Variants in LMAN1 observed in about 807,000 individuals in gnomAD.
LMAN1 encodes the protein lectin, mannose binding 1.
In LMAN1, 32 loss-of-function variants were observed where a neutral mutation model predicts 67.8. The ratio of observed to expected loss-of-function variants is 0.47; its 90% CI spans 0.36 to 0.63. LMAN1 has a LOEUF of 0.63. Among genes scored for constraint, LMAN1 ranks in the 30% least tolerant of loss-of-function variants. LMAN1 has a pLI of 0.00. For synonymous variants in LMAN1, 235 were observed against 219.3 expected, an observed-to-expected ratio of 1.07 and a Z score of -0.63; for missense variants, 632 against 628.2, an observed-to-expected ratio of 1.01 and a Z score of -0.06.
intron 5 of LMAN1, among the ~76,000 whole-genome samples, chr18:59,349,672 T>C (rs1217831643): frequency 2.0e-5 from 3 of 152,226 alleles, no homozygotes; most frequent in African/African-American, 7.2e-5. Flanking sequence ...TGAGCTCCTC[T>C]TAATTAAATT....
Position 59,355,631 on chromosome 18 carries a change from C to T in LMAN1, c.242G>A (p.Arg81Gln), listed in dbSNP as rs960074864. ...TTGGCTTTTTAAAGATGGTGCTACT[C>T]GAATTTGATCTGAACTTGGAATAGC... ...GNAIPSSDQI[R>Q]VAPSLKSQRG... The change falls in exon 2 of 13, where the codon CGA (arginine) becomes CAA (glutamine). Residue 81 changes from arginine to glutamine, a missense_variant. By Grantham distance (43) the Arg-to-Gln change is conservative. Coordinates refer to ENST00000251047, the MANE Select transcript of LMAN1 (RefSeq NM_005570.4). 3 of 1,613,770 alleles carry T rather than the reference C, an allele frequency of 1.9e-6. No homozygotes were observed. The highest frequency in any genetic ancestry group is 1.3e-5 in the African/African-American group (1 of 74,888).
intron 10 of LMAN1, among the ~76,000 whole-genome samples, chr18:59,335,581 G>A (rs1405962174): frequency 1.3e-5 from 2 of 152,176 alleles, no homozygotes; most frequent in South Asian, 4.1e-4. Flanking sequence ...ATGGGAAAGT[G>A]GTAGCAAGGA....
At chr18:59,333,265 A>G (rs1475496768) in intron 10 of LMAN1, 21 bp from the exon 11 acceptor site, 1 of 1,607,844 alleles carries the variant, frequency 6.2e-7, no homozygotes, top group Non-Finnish European at 8.5e-7. Context: ...AAGTCTCTTG[A>G]TACAATAAAA....
At position 59,337,963 on chromosome 18, in the gene LMAN1, CAG is replaced by C. The variant is rs1158488276; in HGVS notation, c.1220+592_1220+593del. ...ACACTATGGTTTGTTATCTCTGCTC[CAG>C]GCATTGAAAGCTATTAATTATCTGC... is the stretch of plus-strand genomic sequence containing the variant. On this transcript the variant is annotated intron_variant, in intron 10 of 12. Coordinates refer to ENST00000251047, the MANE Select transcript of LMAN1 (RefSeq NM_005570.4). 5.9e-5 allele frequency among the ~76,000 whole-genome samples: 9 copies of C among 152,304 alleles called. No homozygotes were observed. In the South Asian group the frequency reaches 1.0e-3, roughly 18 times the overall value.
Position 59,330,865 on chromosome 18 carries a change from A to G in LMAN1, c.*228T>C, listed in dbSNP as rs2070743152. 4 of 550,446 alleles carry G rather than the reference A, an allele frequency of 7.3e-6. No homozygotes were observed. The highest frequency in any genetic ancestry group is 4.7e-5 in the South Asian group (2 of 42,316). The allele number at this position is 550,446 out of a possible 1,614,324, so 34.1% of individuals were successfully genotyped here. A position where few individuals can be genotyped will look rare whatever the true frequency, so the allele number is the denominator to read the frequency against. On this transcript the variant is annotated 3_prime_UTR_variant, in exon 13 of 13. Transcript: ENST00000251047. ...CAATATTCTGCTCAGAGGCTGCATC[A>G]TACTGACCAGAAATTCACTGAAATT...
intron 3 of LMAN1, 83 bp from the exon 4 acceptor site, chr18:59,354,663 A>G (rs368574576): frequency 1.4e-6 from 1 of 695,146 alleles, no homozygotes; most frequent in Non-Finnish European, 2.5e-6. Flanking sequence ...AGTGACTTAC[A>G]TATCTAAGAT....
At chr18:59,352,922 C>CCTATCTAT (rs764166780) in intron 5 of LMAN1, 17 of 372,160 alleles carry the variant, frequency 4.6e-5, no homozygotes, top group Non-Finnish European at 1.0e-5. Context: ...TATCTATCTA[C>CCTATCTAT]CTATCTATCT....
chr18:59,342,558 A>T (rs1302130047), intron 8 of LMAN1, among the ~76,000 whole-genome samples: 1 of 152,124 alleles, frequency 6.6e-6, no homozygotes, highest in East Asian at 1.9e-4. Flanking sequence ...AACAGAATTA[A>T]GAACAAAACA....
At chr18:59,344,198 T>C (rs951269197) in intron 8 of LMAN1, among the ~76,000 whole-genome samples, 9 of 152,172 alleles carry the variant, frequency 5.9e-5, no homozygotes, top group Non-Finnish European at 1.2e-4. Flanking sequence ...GGTGGGAATG[T>C]AAATTAGTAC....
intron 6 of LMAN1, among the ~76,000 whole-genome samples, chr18:59,348,102 T>C (rs1187988999): frequency 6.6e-6 from 1 of 152,246 alleles, no homozygotes; most frequent in Non-Finnish European, 1.5e-5. Flanking sequence ...AATTTTATCT[T>C]ACCTAAAATC....
rs994447642 is a variant in LMAN1, at chr18:59,346,108, T to G, written c.823-57A>C. 7 of 1,397,116 alleles carry G rather than the reference T, an allele frequency of 5.0e-6. No individual in the cohort carries two copies. The African/African-American group carries it at 7.3e-5, about 14-fold the overall frequency. The allele number at this position is 1,397,116 out of a possible 1,614,324, so 86.5% of individuals were successfully genotyped here. On this transcript the variant is annotated intron_variant, in intron 7 of 12. Coordinates refer to ENST00000251047, the MANE Select transcript of LMAN1 (RefSeq NM_005570.4). ...AAAAGATAAGAAAATCATTAAGATA[T>G]CTCTATACATGTTATTTTTCTCATT...
At position 59,355,423 on chromosome 18, in the gene LMAN1, G is replaced by GA; in HGVS notation, c.370-4dup. On this transcript the variant is annotated splice_region_variant and splice_polypyrimidine_tract_variant and intron_variant, in intron 2 of 12. Transcript: ENST00000251047. ...TGATTTTCTGCATACCAAATTGCCT[G>GA]AAAATATGTAATAGGGAACAGTTAG... 2 of 1,614,024 alleles carry GA rather than the reference G, an allele frequency of 1.2e-6. No homozygotes were observed. The highest frequency in any genetic ancestry group is 1.7e-6 in the Non-Finnish European group (2 of 1,179,890).
chr18:59,343,348 T>C (rs1222927015), intron 8 of LMAN1, among the ~76,000 whole-genome samples: 2 of 151,570 alleles, frequency 1.3e-5, no homozygotes, highest in East Asian at 3.9e-4. Flanking sequence ...GCCAAAGCAA[T>C]GCTAAGCAAA....
rs977715067 is a variant in LMAN1 at position 59,328,704 on chromosome 18, C to T, written c.*2389G>A. 2.6e-5 allele frequency: 4 copies of T among 152,210 alleles called. No individual in the cohort carries two copies. Among genetic ancestry groups the T allele is most frequent in the Non-Finnish European group, 5.9e-5 (4 of 68,016 alleles). The allele number at this position is 152,210 out of a possible 1,614,324, so 9.4% of individuals were successfully genotyped here. On this transcript the variant is annotated 3_prime_UTR_variant, in exon 13 of 13. Coordinates refer to ENST00000251047, the MANE Select transcript of LMAN1 (RefSeq NM_005570.4). ...ATTCAGGTTGTCTGAAACCAGGCGC[C>T]ATGACCCAGATGGTCCATGGATCAT...
chr18:59,358,855 G>A (rs1323199665), intron 1 of LMAN1, among the ~76,000 whole-genome samples, 176 bp downstream of exon 1: 2 of 152,174 alleles, frequency 1.3e-5, no homozygotes, highest in African/African-American at 2.4e-5. Context: ...GGAGGGAACC[G>A]TGCGAACCAG....
chr18:59,334,093 A>C (rs1246980703), intron 10 of LMAN1, among the ~76,000 whole-genome samples: 3 of 152,248 alleles, frequency 2.0e-5, no homozygotes, highest in Non-Finnish European at 4.4e-5. Flanking sequence ...CAAATTAAGC[A>C]TAACATTTTA....
intron 8 of LMAN1, among the ~76,000 whole-genome samples, chr18:59,341,373 A>G (rs1603394590): frequency 6.6e-6 from 1 of 152,280 alleles, no homozygotes; most frequent in East Asian, 1.9e-4. Flanking sequence ...CATTTACAGA[A>G]CTTTCTACAA....
At chr18:59,333,502 C>A in intron 10 of LMAN1, 1 of 404,838 alleles carries the variant, frequency 2.5e-6, no homozygotes. Context: ...GTGTTAAAAC[C>A]AATAGTATAA....
rs902343930 is a variant in LMAN1, at chr18:59,329,501, A to C, written c.*1592T>G. On this transcript the variant is annotated 3_prime_UTR_variant, in exon 13 of 13. Transcript: ENST00000251047. ...ATGAAGCCTCTGAAACATGAATTTC[A>C]AAATGTTAACACTACAAAAGAAAAA... The C allele has an allele frequency of 1.3e-5, 2 of 152,180 alleles. No individual in the cohort carries two copies. The highest frequency in any genetic ancestry group is 2.9e-5 in the Non-Finnish European group (2 of 68,012). 9.4% of individuals were successfully genotyped at this position (152,180 alleles called of 1,614,324 possible). A position where few individuals can be genotyped will look rare whatever the true frequency, so the allele number is the denominator to read the frequency against.
Sources: allele counts gnomAD v4.1 joint callset (sites outside exome capture counted in the v4.1 genomes callset), GRCh38; gene constraint gnomAD v4.1.1; transcripts MANE v1.5; gene names NCBI Gene and HGNC (gene_info 2026-07-23, HGNC 2026-07-21).